Variants in GAREM1 observed in about 807,000 individuals in gnomAD.
The protein encoded by GAREM1 is GRB2 associated regulator of MAPK1 subtype 1.
GAREM1 carries 26 observed loss-of-function variants against 71.3 expected under a neutral mutation model. The observed-to-expected ratio is 0.36, with a 90% confidence interval of 0.27 to 0.51. The LOEUF (loss-of-function observed/expected upper bound fraction) is 0.51, where lower values mean the gene tolerates loss of function less well. Ranked by LOEUF, GAREM1 falls within the 20% of genes least tolerant of loss-of-function variation. GAREM1 has a pLI of 0.95. For missense variants in GAREM1, 1,026 were observed against 1,103.1 expected, an observed-to-expected ratio of 0.93 and a Z score of 0.99; for synonymous variants, 440 against 433.2, an observed-to-expected ratio of 1.02 and a Z score of -0.20.
chr18:32,417,650 T>C (rs993616803), intron 1 of GAREM1, among the ~76,000 whole-genome samples: 9 of 152,102 alleles, frequency 5.9e-5, no homozygotes, highest in African/African-American at 2.2e-4. Flanking sequence ...TTCTCACTTA[T>C]CTGTGGGATC....
At chr18:32,390,783 G>C (rs1038431058) in intron 2 of GAREM1, among the ~76,000 whole-genome samples, 2 of 152,072 alleles carry the variant, frequency 1.3e-5, no homozygotes, top group Non-Finnish European at 2.9e-5. Context: ...TAGAACAATG[G>C]GTTCCCAACA....
chr18:32,337,968 C>T (rs2047614591), intron 2 of GAREM1, among the ~76,000 whole-genome samples: 1 of 152,260 alleles, frequency 6.6e-6, no homozygotes, highest in African/African-American at 2.4e-5. Flanking sequence ...AGGAGGCATA[C>T]CACAAGACCC....
intron 1 of GAREM1, among the ~76,000 whole-genome samples, chr18:32,416,427 A>G (rs1014300994): frequency 1.1e-4 from 16 of 152,168 alleles, no homozygotes; most frequent in Non-Finnish European, 2.9e-5. Flanking sequence ...CCTGAGCAAA[A>G]GAACAAACTG....
intron 2 of GAREM1, among the ~76,000 whole-genome samples, chr18:32,360,876 A>G (rs1489400260): frequency 2.0e-5 from 3 of 152,240 alleles, no homozygotes; most frequent in Non-Finnish European, 4.4e-5. Flanking sequence ...GGAGAGAACA[A>G]GTATTAAACA....
intron 4 of GAREM1, among the ~76,000 whole-genome samples, chr18:32,284,677 G>A (rs1004256828): frequency 1.1e-4 from 16 of 151,908 alleles, no homozygotes; most frequent in Non-Finnish European, 2.1e-4. Flanking sequence ...CAACCTTCAA[G>A]TAACATGAAA....
At chr18:32,434,340 T>G (rs1292319338) in intron 1 of GAREM1, among the ~76,000 whole-genome samples, 2 of 152,142 alleles carry the variant, frequency 1.3e-5, no homozygotes, top group African/African-American at 4.8e-5. Context: ...ATTTCCTAAC[T>G]GTGAGCTAGA....
At chr18:32,399,275 C>A (rs2048288026) in intron 1 of GAREM1, among the ~76,000 whole-genome samples, 1 of 152,068 alleles carries the variant, frequency 6.6e-6, no homozygotes, top group South Asian at 2.1e-4. Context: ...ACAGGGATGC[C>A]CTCTCTCACC....
intron 2 of GAREM1, among the ~76,000 whole-genome samples, chr18:32,363,160 C>T (rs922746090): frequency 6.6e-6 from 1 of 150,644 alleles, no homozygotes; most frequent in African/African-American, 2.4e-5. Context: ...GCGAATGTTA[C>T]AGAAGTATAC....
chr18:32,458,386 G>A (rs889838950), intron 1 of GAREM1, among the ~76,000 whole-genome samples: 31 of 151,858 alleles, frequency 2.0e-4, no homozygotes, highest in African/African-American at 7.5e-4. Context: ...ACAATGCAAG[G>A]GAATTCTTTC....
At chr18:32,383,954 A>G (rs1172106717) in intron 2 of GAREM1, among the ~76,000 whole-genome samples, 3 of 152,214 alleles carry the variant, frequency 2.0e-5, no homozygotes, top group African/African-American at 7.2e-5. Flanking sequence ...GCATTTATAG[A>G]GCAATCTAGA....
chr18:32,414,353 C>G (rs796100730), intron 1 of GAREM1, among the ~76,000 whole-genome samples: 9 of 151,864 alleles, frequency 5.9e-5, no homozygotes, highest in African/African-American at 2.2e-4. Flanking sequence ...GAAAGAGAGA[C>G]AGTTGGAATA....
At chr18:32,427,223 C>T (rs1263710117) in intron 1 of GAREM1, among the ~76,000 whole-genome samples, 1 of 152,072 alleles carries the variant, frequency 6.6e-6, no homozygotes, top group Non-Finnish European at 1.5e-5. Context: ...AGTTATATTG[C>T]AAAGAAAACA....
intron 2 of GAREM1, among the ~76,000 whole-genome samples, chr18:32,363,920 A>ACACACACACACACACACACACACACAT (rs1408632288): frequency 4.9e-4 from 72 of 146,700 alleles, no homozygotes; most frequent in African/African-American, 1.7e-3. Context: ...ACACACACAT[A>ACACACACACACACACACACACACACAT]AAAAAATATA....
intron 2 of GAREM1, among the ~76,000 whole-genome samples, chr18:32,372,898 T>C (rs565308029): frequency 7.9e-5 from 12 of 151,654 alleles, no homozygotes; most frequent in South Asian, 6.3e-4. Flanking sequence ...GATTTTTTAG[T>C]AGAGGAGCAG....
At chr18:32,425,158 A>G (rs1226474792) in intron 1 of GAREM1, among the ~76,000 whole-genome samples, 1 of 152,142 alleles carries the variant, frequency 6.6e-6, no homozygotes, top group Non-Finnish European at 1.5e-5. Flanking sequence ...AGTGCTTAGT[A>G]TTTTCTATAT....
intron 1 of GAREM1, among the ~76,000 whole-genome samples, chr18:32,422,515 C>T (rs1454834420): frequency 1.3e-5 from 2 of 152,180 alleles, no homozygotes; most frequent in East Asian, 3.8e-4. Context: ...TAATGATGCT[C>T]AATGTATGTT....
chr18:32,365,476 A>G (rs1354747856), intron 2 of GAREM1, among the ~76,000 whole-genome samples: 2 of 152,192 alleles, frequency 1.3e-5, no homozygotes, highest in African/African-American at 2.4e-5. Flanking sequence ...ATACTTAAGG[A>G]CCCAAATATC....
intron 4 of GAREM1, among the ~76,000 whole-genome samples, chr18:32,278,123 G>A (rs1009209958): frequency 6.6e-6 from 1 of 152,158 alleles, no homozygotes. Flanking sequence ...GGACCAAAGA[G>A]CTTAAGAAAC....
chr18:32,371,025 G>C (rs1264458494), intron 2 of GAREM1, among the ~76,000 whole-genome samples: 1 of 152,206 alleles, frequency 6.6e-6, no homozygotes, highest in South Asian at 2.1e-4. Flanking sequence ...TGACAAATGT[G>C]GACATTTAGT....
Sources: allele counts gnomAD v4.1 joint callset (sites outside exome capture counted in the v4.1 genomes callset), GRCh38; gene constraint gnomAD v4.1.1; transcripts MANE v1.5; gene names NCBI Gene and HGNC (gene_info 2026-07-23, HGNC 2026-07-21).